The following GTF2I variants were observed in gnomAD, a reference collection of about 807,000 sequenced individuals.
GTF2I encodes general transcription factor IIi, also known as general transcription factor II-I.
Under a neutral mutation model 67.6 loss-of-function variants are expected in GTF2I, and 12 were observed. The ratio of observed to expected loss-of-function variants is 0.18; its 90% CI spans 0.11 to 0.29. The LOEUF (loss-of-function observed/expected upper bound fraction) is 0.29, where lower values mean the gene tolerates loss of function less well. Ranked by LOEUF, GTF2I falls within the 10% of genes least tolerant of loss-of-function variation. The probability of loss-of-function intolerance (pLI) is 1.00; values close to 1 mark genes in which losing one functional copy is unlikely to be tolerated. For missense variants in GTF2I, 271 were observed against 580.1 expected (o/e 0.47, Z 5.47); for synonymous variants, 149 against 197.0 (o/e 0.76, Z 2.04).
At chr7:74,667,364 G>C (rs1805071510) in intron 1 of GTF2I, among the ~76,000 whole-genome samples, 1 of 152,102 alleles carries the variant, frequency 6.6e-6, no homozygotes, top group African/African-American at 2.4e-5. Context: ...AATCCTGTAA[G>C]ATGAATTTGT....
chr7:74,658,310 G>C (rs1804113584), intron 1 of GTF2I, among the ~76,000 whole-genome samples: 1 of 149,832 alleles, frequency 6.7e-6, no homozygotes, highest in South Asian at 2.1e-4. Context: ...GAAACGAGGC[G>C]ATGGGGGTGG....
chr7:74,693,265 ATTTTTTT>A (rs1158949751), intron 3 of GTF2I, among the ~76,000 whole-genome samples: 4 of 83,004 alleles, frequency 4.8e-5, no homozygotes, highest in Non-Finnish European at 7.1e-5. Context: ...CTGTAGTGGA[ATTTTTTT>A]TTTTTTTTTT....
intron 1 of GTF2I, among the ~76,000 whole-genome samples, chr7:74,662,685 G>C (rs1192051805): frequency 1.3e-5 from 2 of 151,536 alleles, no homozygotes; most frequent in African/African-American, 4.9e-5. Context: ...ACCACGCCTG[G>C]CTAATTTTTT....
intron 1 of GTF2I, among the ~76,000 whole-genome samples, chr7:74,668,091 C>T (rs1805139498): frequency 1.3e-5 from 2 of 151,406 alleles, no homozygotes; most frequent in South Asian, 4.2e-4. Context: ...CTCGGCCTCC[C>T]AAAGTGCTGG....
chr7:74,681,450 GA>G (rs587675813), intron 1 of GTF2I, among the ~76,000 whole-genome samples: 2 of 150,702 alleles, frequency 1.3e-5, no homozygotes, highest in East Asian at 1.9e-4. Flanking sequence ...TAAAAAAAAA[GA>G]AAAAAAGAAA....
chr7:74,671,357 G>T (rs1343964545), intron 1 of GTF2I, among the ~76,000 whole-genome samples: 1 of 151,876 alleles, frequency 6.6e-6, no homozygotes, highest in African/African-American at 2.4e-5. Context: ...AAAGTGCTGG[G>T]ATTATAGGCA....
chr7:74,690,999 C>T lies in GTF2I; in HGVS notation c.126C>T (p.Ala42=), dbSNP rs182296203. 6.0e-5 allele frequency: 97 copies of T among 1,612,870 alleles called. No individual in the cohort carries two copies. Among genetic ancestry groups the T allele is most frequent in the Middle Eastern group, 3.3e-4 (2 of 5,982 alleles). ...SMCKELAKSK[A]EVACIAVYET... The stretch of plus-strand genomic sequence containing the variant: ...GTAAAGAACTGGCCAAGTCCAAAGC[C>T]GAAGTGGCCTGCATTGCAGTGTATG... The change falls in exon 3 of 35, where the codon GCC becomes GCT. Residue 42 remains alanine (A), a synonymous_variant. Coordinates refer to ENST00000573035, the MANE Select transcript of GTF2I (RefSeq NM_032999.4).
At chr7:74,692,196 C>T (rs587635495) in intron 3 of GTF2I, among the ~76,000 whole-genome samples, 108 of 152,008 alleles carry the variant, frequency 7.1e-4, no homozygotes, top group African/African-American at 2.5e-3. Context: ...ACCTCAGCCT[C>T]TGGAGTAGCT....
intron 1 of GTF2I, among the ~76,000 whole-genome samples, chr7:74,669,516 C>T (rs1286000216): frequency 2.0e-5 from 3 of 150,412 alleles, no homozygotes; most frequent in African/African-American, 7.3e-5. Flanking sequence ...CAGGCGTGAA[C>T]CATCGCTCCC....
At chr7:74,709,042 T>A (rs1464256716) in intron 8 of GTF2I, among the ~76,000 whole-genome samples, 1 of 152,144 alleles carries the variant, frequency 6.6e-6, no homozygotes, top group Non-Finnish European at 1.5e-5. Flanking sequence ...ATTTGAGTAA[T>A]CTCTAGTCTA....
At chr7:74,686,431 G>T (rs587722466) in intron 1 of GTF2I, among the ~76,000 whole-genome samples, 1 of 152,156 alleles carries the variant, frequency 6.6e-6, no homozygotes, top group South Asian at 2.1e-4. Context: ...CTAGTTTCAT[G>T]TTCTGACTGT....
intron 12 of GTF2I, among the ~76,000 whole-genome samples, chr7:74,728,528 T>A (rs1794153642): frequency 9.2e-6 from 1 of 108,350 alleles, no homozygotes; most frequent in African/African-American, 3.7e-5. Flanking sequence ...AAATTTATAA[T>A]GACAATTCAA....
intron 8 of GTF2I, among the ~76,000 whole-genome samples, chr7:74,708,760 G>C (rs782064928): frequency 5.9e-5 from 9 of 152,176 alleles, no homozygotes; most frequent in Non-Finnish European, 1.2e-4. Context: ...TTGCAACTGA[G>C]AGACATCAGT....
At chr7:74,688,939 A>G (rs373044996) in intron 1 of GTF2I, 185 bp from the exon 2 acceptor site, 252 of 504,376 alleles carry the variant, frequency 5.0e-4, no homozygotes, top group African/African-American at 4.1e-3. Flanking sequence ...ATAGAAAATT[A>G]GGGGATAGAT....
chr7:74,670,711 A>C (rs1376383031), intron 1 of GTF2I, among the ~76,000 whole-genome samples: 3 of 141,942 alleles, frequency 2.1e-5, no homozygotes, highest in Admixed American at 7.2e-5. Context: ...AAAAAAAAAC[A>C]AAAAAAAAAA....
At chr7:74,718,801 AT>A in intron 11 of GTF2I, 77 bp from the exon 12 acceptor site, 1 of 705,562 alleles carries the variant, frequency 1.4e-6, no homozygotes, top group South Asian at 1.8e-5. Flanking sequence ...CTTTTGGAGT[AT>A]CAAATCAGTA....
chr7:74,670,841 G>A (rs1805389844), intron 1 of GTF2I, among the ~76,000 whole-genome samples: 1 of 151,938 alleles, frequency 6.6e-6, no homozygotes, highest in African/African-American at 2.4e-5. Context: ...ATGTCAAAGG[G>A]ACACATTCTT....
chr7:74,710,708 A>G (rs936950855), intron 8 of GTF2I, among the ~76,000 whole-genome samples: 1 of 152,212 alleles, frequency 6.6e-6, no homozygotes, highest in African/African-American at 2.4e-5. Flanking sequence ...GTGTGTTTCA[A>G]TGGTTTATAA....
At chr7:74,711,687 G>T (rs1351905054) in intron 9 of GTF2I, among the ~76,000 whole-genome samples, 3 of 152,112 alleles carry the variant, frequency 2.0e-5, no homozygotes, top group African/African-American at 7.2e-5. Flanking sequence ...ATAAAATGTG[G>T]ACTATTTTCA....
Sources: gnomAD v4.1 joint callset for allele counts (sites outside exome capture counted in the v4.1 genomes callset) on GRCh38, gnomAD v4.1.1 for gene constraint, MANE v1.5 for transcripts, NCBI Gene and HGNC (gene_info 2026-07-23, HGNC 2026-07-21) for gene names.